The following LRRC58 variants were observed in gnomAD, a reference collection of about 807,000 sequenced individuals.
LRRC58 encodes the protein leucine rich repeat containing 58, also known as leucine-rich repeat-containing protein 58.
In LRRC58, 18 loss-of-function variants were observed where a neutral mutation model predicts 30.6. The ratio of observed to expected loss-of-function variants is 0.59; its 90% CI spans 0.41 to 0.87. The LOEUF is 0.87. Among genes scored for constraint, LRRC58 ranks in the 40% least tolerant of loss-of-function variants. The probability of loss-of-function intolerance (pLI) is 0.00; values close to 1 mark genes in which losing one functional copy is unlikely to be tolerated. For synonymous variants in LRRC58, 221 were observed against 206.0 expected (o/e 1.07, Z -0.62); for missense variants, 420 against 468.4 (o/e 0.90, Z 0.95).
rs1935656263 is a variant in LRRC58, at chr3:120,325,194, C to T, written c.*6006G>A. 1 of 152,166 alleles carries T rather than the reference C, an allele frequency of 6.6e-6. No individual in the cohort carries two copies. The allele number at this position is 152,166 out of a possible 1,614,324, so 9.4% of individuals were successfully genotyped here. A position where few individuals can be genotyped will look rare whatever the true frequency, so the allele number is the denominator to read the frequency against. ...TTTCTCAATATCACAACAATGTTAA[C>T]AATTTAAGTTAGTGAAAGGATTCTC... On this transcript the variant is annotated 3_prime_UTR_variant, in exon 4 of 4. Coordinates refer to ENST00000295628, the MANE Select transcript of LRRC58 (RefSeq NM_001099678.2).
In LRRC58 at chr3:120,337,637, AT is replaced by A. The variant is rs549956288; in HGVS notation, c.501-1685del. Among the ~76,000 whole-genome samples the A allele has an allele frequency of 1.2e-4, 18 of 151,950 alleles. No individual in the cohort carries two copies. The South Asian group carries it at 3.5e-3, about 30-fold the overall frequency. On this transcript the variant is annotated intron_variant, in intron 1 of 3. Coordinates refer to ENST00000295628, the MANE Select transcript of LRRC58 (RefSeq NM_001099678.2). ...ATGATTGAGCTCGTTAACTGAGCAA[AT>A]TTTTTTTCTCTTATTATTTTGCCTT... is the stretch of plus-strand genomic sequence containing the variant.
intron 3 of LRRC58, among the ~76,000 whole-genome samples, chr3:120,333,091 C>CAAA (rs60534761): frequency 8.3e-5 from 7 of 84,362 alleles, no homozygotes; most frequent in East Asian, 4.4e-4. Context: ...GACTCCGTCT[C>CAAA]AAAAAAAAAA....
At chr3:120,336,422 G>T (rs701988) in intron 1 of LRRC58, among the ~76,000 whole-genome samples, 47,109 of 152,058 alleles carry the variant, frequency 0.31, 8,915 homozygotes, top group African/African-American at 0.52. Flanking sequence ...GAATATACCT[G>T]TTAATAGAAG....
rs142888708 is a variant in LRRC58, at chr3:120,340,436, T to C, written c.501-4483A>G. Among the ~76,000 whole-genome samples the C allele has an allele frequency of 3.1e-3, 472 of 150,184 alleles. 3 individuals carry two copies. Among genetic ancestry groups the C allele is most frequent in the Middle Eastern group, 6.8e-3 (2 of 294 alleles). On this transcript the variant is annotated intron_variant, in intron 1 of 3. Coordinates refer to ENST00000295628, the MANE Select transcript of LRRC58 (RefSeq NM_001099678.2). ...GCTTCACTGATGAAGTTCCTTCCTT[T>C]ATCTCTCTGAAATTAAAAATTCTTT...
chr3:120,330,374 G>A lies in LRRC58; in HGVS notation c.*826C>T, dbSNP rs1041377817. On this transcript the variant is annotated 3_prime_UTR_variant, in exon 4 of 4. Transcript: ENST00000295628. ...AACAAAAAAATGTTAAGAGGGCCAT[G>A]AGATCGGATATTAGATACACAGTTA... The A allele has an allele frequency of 6.6e-5, 10 of 152,120 alleles. No homozygotes were observed. Among genetic ancestry groups the A allele is most frequent in the African/African-American group, 2.4e-4 (10 of 41,432 alleles). 9.4% of individuals were successfully genotyped at this position (152,120 alleles called of 1,614,324 possible).
chr3:120,332,567 G>A (rs1419219433), intron 3 of LRRC58, among the ~76,000 whole-genome samples: 6 of 152,058 alleles, frequency 3.9e-5, no homozygotes, highest in Admixed American at 6.6e-5. Context: ...AGCATTATGG[G>A]AGTTACTACG....
In LRRC58 at chr3:120,326,630, TA is replaced by T. The variant is rs1248625766; in HGVS notation, c.*4569del. ...CTATTGTTAAGTACCTGGCACAACT[TA>T]AAAGCTCACTATTTTGGACTAAATG... On this transcript the variant is annotated 3_prime_UTR_variant, in exon 4 of 4. Transcript: ENST00000295628. 2.6e-5 allele frequency: 4 copies of T among 152,196 alleles called. No individual in the cohort carries two copies. Among genetic ancestry groups the T allele is most frequent in the African/African-American group, 9.6e-5 (4 of 41,458 alleles). 9.4% of individuals were successfully genotyped at this position (152,196 alleles called of 1,614,324 possible). A position where few individuals can be genotyped will look rare whatever the true frequency, so the allele number is the denominator to read the frequency against.
Position 120,327,836 on chromosome 3 carries a change from C to T in LRRC58, c.*3364G>A, listed in dbSNP as rs1318201990. 6.6e-6 allele frequency: 1 copy of T among 152,130 alleles called. No homozygotes were observed. Among genetic ancestry groups the T allele is most frequent in the Admixed American group, 6.5e-5 (1 of 15,276 alleles). 9.4% of individuals were successfully genotyped at this position (152,130 alleles called of 1,614,324 possible). ...TCTCAGATTACTGCAACCTCTGTCT[C>T]CCAAGTTCAAGTGATTCTCTTGTCT... On this transcript the variant is annotated 3_prime_UTR_variant, in exon 4 of 4. Transcript: ENST00000295628.
At position 120,324,992 on chromosome 3, in the gene LRRC58, T is replaced by C. The variant is rs1935654120; in HGVS notation, c.*6208A>G. On this transcript the variant is annotated 3_prime_UTR_variant, in exon 4 of 4. Transcript: ENST00000295628. ...AAAGTATGTTTTCAGTACCCTTCGTTAATACTTTGACATCCCAAACTTTAC... is the reference window on the plus strand; with the variant it reads ...AAAGTATGTTTTCAGTACCCTTCGTCAATACTTTGACATCCCAAACTTTAC... 6.6e-6 allele frequency: 1 copy of C among 152,202 alleles called. No homozygotes were observed. The highest frequency in any genetic ancestry group is 2.4e-5 in the African/African-American group (1 of 41,448). 9.4% of individuals were successfully genotyped at this position (152,202 alleles called of 1,614,324 possible).
At position 120,349,147 on chromosome 3, in the gene LRRC58, C is replaced by A; in HGVS notation, c.97G>T (p.Glu33Ter). The change falls in exon 1 of 4, where the codon GAG (glutamate) becomes TAG (stop). Residue 33 changes from glutamate to a stop codon, truncating the protein, a stop_gained. Transcript: ENST00000295628. LOFTEE classifies it high-confidence loss of function. ...VSTETLESELEARGEERRGAR... is the reference protein window; with the variant it reads ...VSTETLESEL ...CCGCGCCGCTCCTCCCCCCGCGCCT[C>A]CAGCTCAGACTCCAGCGTCTCGGTG... 2 of 1,503,484 alleles carry A rather than the reference C, an allele frequency of 1.3e-6. No homozygotes were observed. The highest frequency in any genetic ancestry group is 2.5e-5 in the South Asian group (2 of 80,476). The allele number at this position is 1,503,484 out of a possible 1,614,324, so 93.1% of individuals were successfully genotyped here. A position where few individuals can be genotyped will look rare whatever the true frequency, so the allele number is the denominator to read the frequency against.
intron 1 of LRRC58, among the ~76,000 whole-genome samples, chr3:120,337,682 C>T (rs1207082136): frequency 6.6e-6 from 1 of 152,038 alleles, no homozygotes; most frequent in Non-Finnish European, 1.5e-5. Flanking sequence ...GGTGGTTAGT[C>T]TCCTACTATA....
At position 120,340,432 on chromosome 3, in the gene LRRC58, CCTTT is replaced by C. The variant is rs200784275; in HGVS notation, c.501-4483_501-4480del. Among the ~76,000 whole-genome samples the C allele has an allele frequency of 7.2e-3, 1,095 of 152,262 alleles. 8 individuals are homozygous for C. Among genetic ancestry groups the C allele is most frequent in the South Asian group, 0.014 (67 of 4,824 alleles). On this transcript the variant is annotated intron_variant, in intron 1 of 3. Coordinates refer to ENST00000295628, the MANE Select transcript of LRRC58 (RefSeq NM_001099678.2). ...TCTTGCTTCACTGATGAAGTTCCTT[CCTTT>C]ATCTCTCTGAAATTAAAAATTCTTT...
chr3:120,340,592 T>C (rs958767825), intron 1 of LRRC58, among the ~76,000 whole-genome samples: 1 of 152,090 alleles, frequency 6.6e-6, no homozygotes, highest in African/African-American at 2.4e-5. Flanking sequence ...AAAAATACAT[T>C]AGGTCAGGTG....
intron 1 of LRRC58, among the ~76,000 whole-genome samples, chr3:120,340,751 G>T (rs1320551558): frequency 6.6e-6 from 1 of 151,946 alleles, no homozygotes; most frequent in East Asian, 1.9e-4. Context: ...ACAAAAATTA[G>T]CCAGGCGAGG....
At chr3:120,343,352 CTTTT>C (rs373247728) in intron 1 of LRRC58, among the ~76,000 whole-genome samples, 4 of 151,960 alleles carry the variant, frequency 2.6e-5, no homozygotes, top group Non-Finnish European at 5.9e-5. Flanking sequence ...TCTGAATACA[CTTTT>C]TTTTAAGAAG....
chr3:120,348,006 G>A (rs1053156266), intron 1 of LRRC58, among the ~76,000 whole-genome samples: 1 of 152,154 alleles, frequency 6.6e-6, no homozygotes, highest in Non-Finnish European at 1.5e-5. Flanking sequence ...ATGAAGCACA[G>A]AGAAAGTACA....
chr3:120,349,283 G>A lies in LRRC58; in HGVS notation c.-40C>T. 2 of 1,351,532 alleles carry A rather than the reference G, an allele frequency of 1.5e-6. No individual in the cohort carries two copies. The highest frequency in any genetic ancestry group is 1.9e-6 in the Non-Finnish European group (2 of 1,058,094). 83.7% of individuals were successfully genotyped at this position (1,351,532 alleles called of 1,614,324 possible). A position where few individuals can be genotyped will look rare whatever the true frequency, so the allele number is the denominator to read the frequency against. ...GGCGCGTGGCGCCGGATTCCCCAGAGCGCCGCGCGCGGTCCAGAGGCCGGG... is the reference window on the plus strand; with the variant it reads ...GGCGCGTGGCGCCGGATTCCCCAGAACGCCGCGCGCGGTCCAGAGGCCGGG... On this transcript the variant is annotated 5_prime_UTR_variant, in exon 1 of 4. Transcript: ENST00000295628.
chr3:120,348,670 T>C, intron 1 of LRRC58, 74 bp downstream of exon 1: 1 of 1,445,526 alleles, frequency 6.9e-7, no homozygotes, highest in South Asian at 1.5e-5. Context: ...AACGTTGAGG[T>C]GCCCAGGCCC....
At position 120,327,048 on chromosome 3, in the gene LRRC58, T is replaced by C. The variant is rs1935685052; in HGVS notation, c.*4152A>G. On this transcript the variant is annotated 3_prime_UTR_variant, in exon 4 of 4. Coordinates refer to ENST00000295628, the MANE Select transcript of LRRC58 (RefSeq NM_001099678.2). ...GATCGTATTACTTGCTGGCCCTTAA[T>C]TACGGAGGGATATGGACAATCTCCC... 1 of 152,146 alleles carries C rather than the reference T, an allele frequency of 6.6e-6. No individual in the cohort carries two copies. Among genetic ancestry groups the C allele is most frequent in the African/African-American group, 2.4e-5 (1 of 41,428 alleles). 9.4% of individuals were successfully genotyped at this position (152,146 alleles called of 1,614,324 possible).
Sources: gnomAD v4.1 joint callset for allele counts (sites outside exome capture counted in the v4.1 genomes callset) on GRCh38, gnomAD v4.1.1 for gene constraint, MANE v1.5 for transcripts, NCBI Gene and HGNC (gene_info 2026-07-23, HGNC 2026-07-21) for gene names.